TTC7A: variants seen among roughly 807,000 people sequenced by gnomAD.
The protein encoded by TTC7A is tetratricopeptide repeat domain 7A.
Under a neutral mutation model 103.7 loss-of-function variants are expected in TTC7A, and 110 were observed. The ratio of observed to expected loss-of-function variants is 1.06; its 90% CI spans 0.91 to 1.24. The LOEUF (loss-of-function observed/expected upper bound fraction) is 1.24. TTC7A is among the 50% of genes most tolerant of loss of function. TTC7A has a pLI of 0.00. For synonymous variants in TTC7A, 521 were observed against 467.9 expected (o/e 1.11, Z -1.47); for missense variants, 1,340 against 1,116.3 (o/e 1.20, Z -2.86).
At chr2:46,991,307 A>T (rs1167526736) in intron 5 of TTC7A, among the ~76,000 whole-genome samples, 1 of 152,044 alleles carries the variant, frequency 6.6e-6, no homozygotes, top group African/African-American at 2.4e-5. Flanking sequence ...TGCTAGTCCA[A>T]GTACTACATT....
At chr2:46,990,033 G>A (rs1057247681) in intron 5 of TTC7A, among the ~76,000 whole-genome samples, 1 of 152,218 alleles carries the variant, frequency 6.6e-6, no homozygotes, top group Non-Finnish European at 1.5e-5. Context: ...TGGCCTCTTG[G>A]TAGCAGGTGC....
rs1241172643 is a variant in TTC7A at position 46,975,230 on chromosome 2, C to G, written c.648+127C>G. On this transcript the variant is annotated intron_variant, in intron 4 of 19. Coordinates refer to ENST00000319190, the MANE Select transcript of TTC7A (RefSeq NM_020458.4). Reference sequence around the variant, plus strand: ...AGTCACCTTCTCTGTCCCCCAAAGACACTCTACTTCATAGTTGGAAAACTC... The same window carrying G: ...AGTCACCTTCTCTGTCCCCCAAAGAGACTCTACTTCATAGTTGGAAAACTC... 5.7e-6 allele frequency: 7 copies of G among 1,231,658 alleles called. No individual in the cohort carries two copies. The East Asian group carries it at 1.7e-4, about 30-fold the overall frequency. 76.3% of individuals were successfully genotyped at this position (1,231,658 alleles called of 1,614,324 possible). A position where few individuals can be genotyped will look rare whatever the true frequency, so the allele number is the denominator to read the frequency against.
intron 1 of TTC7A, among the ~76,000 whole-genome samples, chr2:46,917,009 G>A (rs914842377): frequency 6.6e-6 from 1 of 152,066 alleles, no homozygotes; most frequent in African/African-American, 2.4e-5. Context: ...ATGAGCCTGG[G>A]TCCGGACAGG....
intron 4 of TTC7A, among the ~76,000 whole-genome samples, chr2:46,976,089 A>G (rs115959039): frequency 0.059 from 8,994 of 152,252 alleles, 284 homozygotes; most frequent in Non-Finnish European, 0.072. Context: ...CCTTGGTTCA[A>G]TGCTAAGGGG....
At chr2:47,008,903 CAAA>C (rs774395318) in intron 10 of TTC7A, among the ~76,000 whole-genome samples, 3 of 118,866 alleles carry the variant, frequency 2.5e-5, no homozygotes, top group Admixed American at 8.9e-5. Context: ...ACCAGCATGA[CAAA>C]AAAAAAAAAA....
intron 19 of TTC7A, among the ~76,000 whole-genome samples, chr2:47,069,292 G>A (rs1684462158): frequency 6.6e-6 from 1 of 152,204 alleles, no homozygotes. Context: ...CGGGCCCCTG[G>A]CCGCTGGTCC....
At chr2:46,968,675 C>A (rs569377562) in intron 3 of TTC7A, among the ~76,000 whole-genome samples, 19 of 152,258 alleles carry the variant, frequency 1.2e-4, no homozygotes, top group South Asian at 8.3e-4. Flanking sequence ...CGTGAATGTA[C>A]CCCTCTACTT....
At chr2:46,971,986 G>A (rs905019076) in intron 3 of TTC7A, among the ~76,000 whole-genome samples, 4 of 151,820 alleles carry the variant, frequency 2.6e-5, no homozygotes, top group South Asian at 4.2e-4. Context: ...CAGGGAGGGA[G>A]GGAGGAAGGA....
intron 2 of TTC7A, among the ~76,000 whole-genome samples, chr2:46,931,916 A>G (rs1480629757): frequency 6.6e-6 from 1 of 152,196 alleles, no homozygotes; most frequent in Non-Finnish European, 1.5e-5. Context: ...AATTAATACA[A>G]CTAAGTTGAT....
intron 1 of TTC7A, among the ~76,000 whole-genome samples, chr2:46,945,461 G>A (rs999842689): frequency 6.6e-6 from 1 of 152,212 alleles, no homozygotes; most frequent in Non-Finnish European, 1.5e-5. Context: ...TGTTGGCCAG[G>A]ATGGTCTCTA....
rs35548270 is a variant in TTC7A, at chr2:46,954,566, C to CTTTT, written c.349-2256_349-2253dup. 3.4e-3 allele frequency among the ~76,000 whole-genome samples: 409 copies of CTTTT among 121,248 alleles called. 13 individuals are homozygous for CTTTT. The highest frequency in any genetic ancestry group is 1.0e-2 in the African/African-American group (295 of 29,586). 79.5% of individuals were successfully genotyped at this position (121,248 alleles called of 152,430 possible). A position where few individuals can be genotyped will look rare whatever the true frequency, so the allele number is the denominator to read the frequency against. ...TAGATATCCTTTCAGAACTAAGAGC[C>CTTTT]TTTTTTTTTTTTTTTTTTTTGAGAC... On this transcript the variant is annotated intron_variant, in intron 2 of 19. Coordinates refer to ENST00000319190, the MANE Select transcript of TTC7A (RefSeq NM_020458.4).
At chr2:46,974,854 C>T (rs1673706698) in intron 3 of TTC7A, 119 bp from the exon 4 acceptor site, 3 of 1,347,434 alleles carry the variant, frequency 2.2e-6, no homozygotes, top group Middle Eastern at 2.7e-4. Flanking sequence ...ACCTCCGCCT[C>T]CTCCTGGCTG....
At chr2:46,942,764 C>T (rs576696709) in intron 1 of TTC7A, among the ~76,000 whole-genome samples, 4 of 152,316 alleles carry the variant, frequency 2.6e-5, no homozygotes, top group Non-Finnish European at 2.9e-5. Flanking sequence ...ATCACTTGCA[C>T]TATTACCTCT....
chr2:47,050,269 T>A (rs1256035061), intron 17 of TTC7A: 10 of 559,664 alleles, frequency 1.8e-5, no homozygotes, highest in Non-Finnish European at 2.6e-5. Flanking sequence ...CCCTGCCTCC[T>A]GCATGGGGGT....
chr2:47,044,295 G>A (rs1682074319), intron 15 of TTC7A, among the ~76,000 whole-genome samples: 1 of 152,200 alleles, frequency 6.6e-6, no homozygotes, highest in African/African-American at 2.4e-5. Context: ...TGGGCAGTGT[G>A]TCATTTATAG....
At chr2:47,041,688 G>A (rs908379517) in intron 15 of TTC7A, among the ~76,000 whole-genome samples, 2 of 151,804 alleles carry the variant, frequency 1.3e-5, no homozygotes, top group Non-Finnish European at 2.9e-5. Flanking sequence ...AGGAGGCAGA[G>A]GTTGCGGTGA....
At chr2:47,063,306 A>G (rs910969498) in intron 19 of TTC7A, among the ~76,000 whole-genome samples, 2 of 152,228 alleles carry the variant, frequency 1.3e-5, no homozygotes, top group Admixed American at 6.5e-5. Flanking sequence ...GAAAGTGTAA[A>G]TATGTGCAGT....
At chr2:47,028,241 G>T (rs1239497130) in intron 14 of TTC7A, among the ~76,000 whole-genome samples, 1 of 152,230 alleles carries the variant, frequency 6.6e-6, no homozygotes, top group African/African-American at 2.4e-5. Context: ...AGCCAAGCAA[G>T]TGTGTGGTCT....
In TTC7A at chr2:47,023,426, A is replaced by G. The variant is rs1341442539; in HGVS notation, c.1529A>G (p.Gln510Arg). 2.5e-6 allele frequency: 4 copies of G among 1,614,000 alleles called. No homozygotes were observed. The African/African-American group carries it at 5.3e-5, about 22-fold the overall frequency. The change falls in exon 13 of 20, where the codon CAA (glutamine) becomes CGA (arginine). Residue 510 changes from glutamine to arginine, a missense_variant. Transcript: ENST00000319190. Reference sequence around the variant, plus strand: ...CCTGCAGCCACCCTGAAGTCCAAGCAAGATGAATTGCACCGGAAGGCACTG... The same window carrying G: ...CCTGCAGCCACCCTGAAGTCCAAGCGAGATGAATTGCACCGGAAGGCACTG... ...QATDATLKSK[Q>R]DELHRKALQT...
Sources: gnomAD v4.1 joint callset for allele counts (sites outside exome capture counted in the v4.1 genomes callset) on GRCh38, gnomAD v4.1.1 for gene constraint, MANE v1.5 for transcripts, NCBI Gene and HGNC (gene_info 2026-07-23, HGNC 2026-07-21) for gene names.